The following PCDH9 variants were observed in gnomAD, a reference collection of about 807,000 sequenced individuals.
The protein encoded by PCDH9 is protocadherin 9, also known as protocadherin-9.
A neutral mutation model predicts 70.6 loss-of-function variants in PCDH9; 24 were observed. The observed-to-expected ratio is 0.34, with a 90% CI of 0.25 to 0.48. PCDH9 has a LOEUF of 0.48. Ranked by LOEUF, PCDH9 falls within the 20% of genes least tolerant of loss-of-function variation. The probability of loss-of-function intolerance (pLI) is 0.99; values close to 1 mark genes in which losing one functional copy is unlikely to be tolerated. For missense variants in PCDH9, 1,281 were observed against 1,503.6 expected (o/e 0.85, Z 2.45); for synonymous variants, 562 against 558.5 (o/e 1.01, Z -0.09).
intron 2 of PCDH9, among the ~76,000 whole-genome samples, chr13:66,939,422 ATATGTGTGTG>A (rs1430199438): frequency 1.7e-5 from 1 of 59,722 alleles, no homozygotes; most frequent in South Asian, 9.6e-4. Context: ...ACTTTAAAAT[ATATGTGTGTG>A]TGTGTGTGTG....
intron 4 of PCDH9, among the ~76,000 whole-genome samples, chr13:66,317,021 C>A (rs895475801): frequency 6.6e-6 from 1 of 152,162 alleles, no homozygotes; most frequent in African/African-American, 2.4e-5. Context: ...CTGTGCCCGG[C>A]CCGCTAGCTT....
chr13:66,455,363 T>G (rs1055441559), intron 4 of PCDH9, among the ~76,000 whole-genome samples: 3 of 151,814 alleles, frequency 2.0e-5, no homozygotes, highest in Non-Finnish European at 2.9e-5. Context: ...TTTTAAAGAA[T>G]TATAACAATA....
At chr13:67,171,748 A>G (rs983563255) in intron 2 of PCDH9, among the ~76,000 whole-genome samples, 3 of 152,150 alleles carry the variant, frequency 2.0e-5, no homozygotes, top group Non-Finnish European at 4.4e-5. Context: ...AGGCGATTGA[A>G]CCTGAGTTTC....
At position 67,165,609 on chromosome 13, in the gene PCDH9, A is replaced by G. The variant is rs543704199; in HGVS notation, c.3036+59796T>C. On this transcript the variant is annotated intron_variant, in intron 2 of 4. Transcript: ENST00000377865. ...AACATTTTAATTCTATCTTTTATGTATCTATCTATCTACCCCCTCCAGGAA... is the reference window on the plus strand; with the variant it reads ...AACATTTTAATTCTATCTTTTATGTGTCTATCTATCTACCCCCTCCAGGAA... Among the ~76,000 whole-genome samples, 12 of 152,158 alleles carry G rather than the reference A, an allele frequency of 7.9e-5. 1 individual carries two copies. The highest frequency in any genetic ancestry group is 4.2e-4 in the South Asian group (2 of 4,814).
At chr13:66,313,834 G>A (rs764646249) in intron 4 of PCDH9, among the ~76,000 whole-genome samples, 3 of 152,122 alleles carry the variant, frequency 2.0e-5, no homozygotes, top group Non-Finnish European at 4.4e-5. Context: ...GTGATTTTAA[G>A]CATTGGATAA....
At chr13:66,978,808 G>GTA (rs1359979640) in intron 2 of PCDH9, among the ~76,000 whole-genome samples, 1 of 49,410 alleles carries the variant, frequency 2.0e-5, no homozygotes, top group Admixed American at 3.1e-4. Flanking sequence ...ATAAATGTAT[G>GTA]TATATATGTG....
At chr13:66,416,883 A>T (rs1247780288) in intron 4 of PCDH9, among the ~76,000 whole-genome samples, 1 of 152,204 alleles carries the variant, frequency 6.6e-6, no homozygotes, top group African/African-American at 2.4e-5. Context: ...GTCTTGAATG[A>T]TATAAGAGCT....
intron 4 of PCDH9, among the ~76,000 whole-genome samples, chr13:66,406,882 AT>A (rs1472380369): frequency 6.6e-6 from 1 of 152,152 alleles, no homozygotes; most frequent in African/African-American, 2.4e-5. Context: ...GATATCATCA[AT>A]TTTTTTGTTT....
intron 4 of PCDH9, among the ~76,000 whole-genome samples, chr13:66,614,707 A>G (rs971650764): frequency 6.6e-6 from 1 of 152,234 alleles, no homozygotes; most frequent in Non-Finnish European, 1.5e-5. Context: ...CCCTGGTGCC[A>G]TAAAGAAATA....
Position 66,642,843 on chromosome 13 carries a change from G to A in PCDH9, c.3139-11432C>T, listed in dbSNP as rs9571608. ...AAATCACAATATTAAGGGTAGCTAC[G>A]AATGAGGGCAAATTTGAAGGACAGC... On this transcript the variant is annotated intron_variant, in intron 3 of 4. Transcript: ENST00000377865. 3.6e-4 allele frequency among the ~76,000 whole-genome samples: 55 copies of A among 151,942 alleles called. No individual in the cohort carries two copies. The East Asian group carries it at 9.7e-3, about 27-fold the overall frequency.
chr13:66,476,552 C>T (rs765843056), intron 4 of PCDH9, among the ~76,000 whole-genome samples: 22 of 151,836 alleles, frequency 1.4e-4, no homozygotes, highest in African/African-American at 1.7e-4. Context: ...ATGAGAAAGA[C>T]GAGTATACAT....
intron 4 of PCDH9, among the ~76,000 whole-genome samples, chr13:66,432,495 T>C (rs1003547027): frequency 1.3e-5 from 2 of 152,024 alleles, no homozygotes; most frequent in Non-Finnish European, 2.9e-5. Context: ...TTAATTTTTG[T>C]AACAATATGT....
chr13:66,407,652 CATT>C (rs1214890573), intron 4 of PCDH9, among the ~76,000 whole-genome samples: 2 of 152,078 alleles, frequency 1.3e-5, no homozygotes, highest in Admixed American at 6.5e-5. Flanking sequence ...CAGTTTAACT[CATT>C]ATAAAATATT....
rs1052495876 is a variant in PCDH9, at chr13:66,441,543, G to C, written c.3341-136515C>G. Among the ~76,000 whole-genome samples the C allele has an allele frequency of 1.3e-5, 2 of 152,002 alleles. 1 individual carries two copies. Among genetic ancestry groups the C allele is most frequent in the South Asian group, 4.1e-4 (2 of 4,820 alleles). On this transcript the variant is annotated intron_variant, in intron 4 of 4. Coordinates refer to ENST00000377865, the MANE Select transcript of PCDH9 (RefSeq NM_203487.3). Reference sequence around the variant, plus strand: ...GATTTTTCTTAAATCATTGTAAAAGGTATCTCAAACAATATATGCATAGAG... The same window carrying C: ...GATTTTTCTTAAATCATTGTAAAAGCTATCTCAAACAATATATGCATAGAG...
intron 4 of PCDH9, among the ~76,000 whole-genome samples, chr13:66,371,638 A>G (rs1389394781): frequency 6.6e-6 from 1 of 152,094 alleles, no homozygotes; most frequent in East Asian, 1.9e-4. Context: ...AATGCCCATG[A>G]AATAAAATAG....
intron 2 of PCDH9, among the ~76,000 whole-genome samples, chr13:67,123,400 A>G (rs1271836499): frequency 6.6e-6 from 1 of 152,204 alleles, no homozygotes; most frequent in Non-Finnish European, 1.5e-5. Context: ...CTCTATTCAC[A>G]CGTTTAAGGC....
At chr13:66,513,191 C>T (rs1200179690) in intron 4 of PCDH9, among the ~76,000 whole-genome samples, 9 of 94,678 alleles carry the variant, frequency 9.5e-5, no homozygotes, top group East Asian at 3.2e-4. Flanking sequence ...TAAAATAACA[C>T]GTGTTTTTTT....
intron 2 of PCDH9, among the ~76,000 whole-genome samples, chr13:67,039,087 G>T (rs2085062754): frequency 6.6e-6 from 1 of 152,178 alleles, no homozygotes; most frequent in South Asian, 2.1e-4. Context: ...CGGAACTTCT[G>T]CATTGGCAAA....
intron 3 of PCDH9, among the ~76,000 whole-genome samples, chr13:66,843,696 A>G (rs139686172): frequency 5.3e-5 from 8 of 152,254 alleles, no homozygotes; most frequent in Non-Finnish European, 1.0e-4. Context: ...TAATGTGTAC[A>G]CTCTGGAGAA....
Sources: gnomAD v4.1 joint callset for allele counts (sites outside exome capture counted in the v4.1 genomes callset) on GRCh38, gnomAD v4.1.1 for gene constraint, MANE v1.5 for transcripts, NCBI Gene and HGNC (gene_info 2026-07-23, HGNC 2026-07-21) for gene names.